Variants in HIBADH observed in about 807,000 individuals in gnomAD.
HIBADH encodes the protein 3-hydroxyisobutyrate dehydrogenase, mitochondrial.
In HIBADH, 25 loss-of-function variants were observed where a neutral mutation model predicts 36.1. The observed-to-expected ratio is 0.69, with a 90% confidence interval of 0.50 to 0.97. The LOEUF is 0.97. Among genes scored for constraint, HIBADH ranks in the 50% least tolerant of loss-of-function variants. The pLI, the probability that HIBADH is intolerant of heterozygous loss-of-function variation, is 0.00. For synonymous variants in HIBADH, 160 were observed against 149.5 expected (o/e 1.07, Z -0.51); for missense variants, 421 against 418.0 (o/e 1.01, Z -0.06).
intron 4 of HIBADH, among the ~76,000 whole-genome samples, chr7:27,549,088 C>A (rs1056422193): frequency 6.6e-6 from 1 of 152,006 alleles, no homozygotes; most frequent in African/African-American, 2.4e-5. Flanking sequence ...TATCTAAATG[C>A]ACATAATACT....
intron 4 of HIBADH, among the ~76,000 whole-genome samples, chr7:27,579,567 A>T (rs958206318): frequency 4.1e-4 from 63 of 152,318 alleles, no homozygotes; most frequent in African/African-American, 1.3e-3. Context: ...TCTGAGTCAA[A>T]TTTCTATAAA....
intron 4 of HIBADH, among the ~76,000 whole-genome samples, chr7:27,557,886 A>G (rs1416200061): frequency 2.0e-5 from 3 of 152,242 alleles, no homozygotes; most frequent in Admixed American, 2.0e-4. Flanking sequence ...TGAAGACTAC[A>G]TAAGATTTGT....
At chr7:27,566,070 A>C (rs889466172) in intron 4 of HIBADH, among the ~76,000 whole-genome samples, 1 of 152,006 alleles carries the variant, frequency 6.6e-6, no homozygotes, top group Non-Finnish European at 1.5e-5. Context: ...CAATTTCTTA[A>C]TATGTTGATC....
At chr7:27,542,438 GTTTTTTTT>G (rs150575250) in intron 5 of HIBADH, among the ~76,000 whole-genome samples, 3 of 68,156 alleles carry the variant, frequency 4.4e-5, no homozygotes, top group Non-Finnish European at 5.1e-5. Context: ...TTTTTTTCCC[GTTTTTTTT>G]TTTTTTTTTT....
intron 4 of HIBADH, among the ~76,000 whole-genome samples, chr7:27,621,441 A>G (rs1785541112): frequency 6.6e-6 from 1 of 152,220 alleles, no homozygotes; most frequent in Non-Finnish European, 1.5e-5. Flanking sequence ...AGTATATGGA[A>G]CATTCTCCAG....
intron 2 of HIBADH, among the ~76,000 whole-genome samples, chr7:27,643,409 A>G (rs1465546770): frequency 6.6e-6 from 1 of 152,256 alleles, no homozygotes; most frequent in African/African-American, 2.4e-5. Flanking sequence ...TATAGTTAAC[A>G]TTAACATACA....
Position 27,541,078 on chromosome 7 carries a change from C to T in HIBADH, c.618+1889G>A, listed in dbSNP as rs117763822. ...AGTAGAGTTAGCCTATCCTTTCCTG[C>T]CTTAAATCCTGGTGCTGCTTGCTTC... On this transcript the variant is annotated intron_variant, in intron 5 of 7. Coordinates refer to ENST00000265395, the MANE Select transcript of HIBADH (RefSeq NM_152740.4). Among the ~76,000 whole-genome samples the T allele has an allele frequency of 5.5e-3, 841 of 151,878 alleles. 3 individuals carry two copies. Among genetic ancestry groups the T allele is most frequent in the South Asian group, 0.011 (52 of 4,806 alleles).
chr7:27,608,883 C>T (rs975917225), intron 4 of HIBADH, among the ~76,000 whole-genome samples: 1 of 152,074 alleles, frequency 6.6e-6, no homozygotes. Context: ...CAGGCAGGAC[C>T]CCTGCCTTAT....
chr7:27,597,713 G>A (rs994984094), intron 4 of HIBADH, among the ~76,000 whole-genome samples: 1 of 152,164 alleles, frequency 6.6e-6, no homozygotes, highest in Non-Finnish European at 1.5e-5. Flanking sequence ...TAAGACTGCA[G>A]ATGCTGCTGC....
intron 4 of HIBADH, among the ~76,000 whole-genome samples, chr7:27,618,958 C>A (rs116740994): frequency 6.6e-6 from 1 of 152,132 alleles, no homozygotes; most frequent in Admixed American, 6.5e-5. Flanking sequence ...AATCTGCCCC[C>A]GTGACCTCCC....
At chr7:27,565,596 G>A (rs1161510119) in intron 4 of HIBADH, among the ~76,000 whole-genome samples, 1 of 152,046 alleles carries the variant, frequency 6.6e-6, no homozygotes, top group African/African-American at 2.4e-5. Context: ...TTTCTACATG[G>A]ACAATCATGT....
At chr7:27,653,052 A>T (rs1786225647) in intron 1 of HIBADH, among the ~76,000 whole-genome samples, 1 of 151,964 alleles carries the variant, frequency 6.6e-6, no homozygotes, top group Non-Finnish European at 1.5e-5. Flanking sequence ...TTGCTTGAAC[A>T]TAGGGGGTGG....
intron 1 of HIBADH, among the ~76,000 whole-genome samples, chr7:27,655,810 AATG>A (rs147725754): frequency 0.034 from 5,187 of 152,208 alleles, 113 homozygotes; most frequent in South Asian, 0.093. Context: ...TGCAAAACAA[AATG>A]ATGTGATACC....
intron 6 of HIBADH, among the ~76,000 whole-genome samples, chr7:27,535,257 T>C (rs1220852221): frequency 3.9e-5 from 6 of 151,954 alleles, no homozygotes. Flanking sequence ...TTTGGCCATT[T>C]ACAAATTACA....
At chr7:27,551,981 G>C (rs1784325041) in intron 4 of HIBADH, among the ~76,000 whole-genome samples, 1 of 152,152 alleles carries the variant, frequency 6.6e-6, no homozygotes, top group Non-Finnish European at 1.5e-5. Flanking sequence ...ACTTGCTATG[G>C]TGTCTCTATT....
chr7:27,657,635 C>A (rs1168044857), intron 1 of HIBADH, among the ~76,000 whole-genome samples: 1 of 152,022 alleles, frequency 6.6e-6, no homozygotes, highest in Non-Finnish European at 1.5e-5. Flanking sequence ...AAGGACTCAG[C>A]TCTCTTTATT....
chr7:27,580,624 G>A (rs1042258098), intron 4 of HIBADH, among the ~76,000 whole-genome samples: 3 of 152,166 alleles, frequency 2.0e-5, no homozygotes, highest in African/African-American at 7.2e-5. Flanking sequence ...TTACCAGAAA[G>A]ATTCATTTGT....
chr7:27,637,700 A>T (rs1404397951), intron 2 of HIBADH, among the ~76,000 whole-genome samples: 1 of 152,200 alleles, frequency 6.6e-6, no homozygotes, highest in African/African-American at 2.4e-5. Flanking sequence ...CCATAGTCTC[A>T]GCCCAAATCT....
chr7:27,598,649 C>T (rs1785070855), intron 4 of HIBADH, among the ~76,000 whole-genome samples: 1 of 151,930 alleles, frequency 6.6e-6, no homozygotes, highest in African/African-American at 2.4e-5. Flanking sequence ...GCAAAAATAC[C>T]AGAGGACAAC....
Sources: gnomAD v4.1 joint callset for allele counts (sites outside exome capture counted in the v4.1 genomes callset) on GRCh38, gnomAD v4.1.1 for gene constraint, MANE v1.5 for transcripts, NCBI Gene and HGNC (gene_info 2026-07-23, HGNC 2026-07-21) for gene names.